Variants in TCF12 observed in about 807,000 individuals in gnomAD.
The protein encoded by TCF12 is transcription factor 12.
In TCF12, 45 loss-of-function variants were observed where a neutral mutation model predicts 86.0. That is an observed-to-expected ratio of 0.52 (90% CI 0.41 to 0.67). The LOEUF (loss-of-function observed/expected upper bound fraction) is 0.67, where lower values mean the gene tolerates loss of function less well. Ranked by LOEUF, TCF12 falls within the 30% of genes least tolerant of loss-of-function variation. The pLI is 0.00. For missense variants in TCF12, 881 were observed against 859.9 expected (o/e 1.02, Z -0.31); for synonymous variants, 330 against 299.6 (o/e 1.10, Z -1.05).
At chr15:57,243,718 T>C (rs561721208) in intron 13 of TCF12, among the ~76,000 whole-genome samples, 168 bp downstream of exon 13, 23 of 152,228 alleles carry the variant, frequency 1.5e-4, no homozygotes, top group Non-Finnish European at 3.1e-4. Flanking sequence ...TTGGAGAATA[T>C]TGAAATATTT....
At chr15:56,980,554 C>G (rs1385314768) in intron 3 of TCF12, among the ~76,000 whole-genome samples, 1 of 152,210 alleles carries the variant, frequency 6.6e-6, no homozygotes, top group Non-Finnish European at 1.5e-5. Context: ...TACCCAGTCT[C>G]TGGCATTTTG....
chr15:57,279,466 A>G (rs573247259), intron 19 of TCF12, among the ~76,000 whole-genome samples: 1 of 152,294 alleles, frequency 6.6e-6, no homozygotes, highest in African/African-American at 2.4e-5. Context: ...CTTTCTGGCT[A>G]CTTAGCACAC....
At chr15:57,110,361 T>A (rs1229517948) in intron 5 of TCF12, among the ~76,000 whole-genome samples, 1 of 152,194 alleles carries the variant, frequency 6.6e-6, no homozygotes, top group Non-Finnish European at 1.5e-5. Flanking sequence ...CAGAATAGAT[T>A]AGTGTCACAG....
chr15:57,150,092 C>T (rs1187201581), intron 5 of TCF12, among the ~76,000 whole-genome samples: 4 of 151,946 alleles, frequency 2.6e-5, no homozygotes, highest in East Asian at 1.9e-4. Flanking sequence ...AGCAAAAAGA[C>T]GAGATAATCA....
Position 57,288,020 on chromosome 15 carries a change from A to C in TCF12, c.*1875A>C, listed in dbSNP as rs1293547850. The C allele has an allele frequency of 6.6e-6, 1 of 152,614 alleles. No individual in the cohort carries two copies. Among genetic ancestry groups the C allele is most frequent in the African/African-American group, 2.4e-5 (1 of 41,432 alleles). 9.5% of individuals were successfully genotyped at this position (152,614 alleles called of 1,614,324 possible). A position where few individuals can be genotyped will look rare whatever the true frequency, so the allele number is the denominator to read the frequency against. On this transcript the variant is annotated 3_prime_UTR_variant, in exon 21 of 21. Coordinates refer to ENST00000333725, the MANE Select transcript of TCF12 (RefSeq NM_207037.2). ...CAGAAGCTTTCCTTCATAAAATAGA[A>C]AGAAAAAAACATTTGGCTTATTTTT...
intron 3 of TCF12, among the ~76,000 whole-genome samples, chr15:57,005,199 A>G (rs760028183): frequency 9.2e-5 from 14 of 152,240 alleles, no homozygotes; most frequent in Admixed American, 4.6e-4. Flanking sequence ...TAGATAAAGC[A>G]ACAAAACCCA....
At chr15:57,268,426 CTGTT>C (rs2060968809) in intron 18 of TCF12, among the ~76,000 whole-genome samples, 1 of 152,146 alleles carries the variant, frequency 6.6e-6, no homozygotes, top group African/African-American at 2.4e-5. Flanking sequence ...GACAGAGTCT[CTGTT>C]TGTCACCCAG....
intron 5 of TCF12, among the ~76,000 whole-genome samples, chr15:57,118,174 C>A (rs2615235): frequency 6.6e-6 from 1 of 152,180 alleles, no homozygotes; most frequent in Non-Finnish European, 1.5e-5. Context: ...TGTGTTCTTT[C>A]TAAGCACAGA....
intron 3 of TCF12, among the ~76,000 whole-genome samples, chr15:56,981,662 C>T (rs536680012): frequency 1.1e-4 from 16 of 152,168 alleles, no homozygotes; most frequent in Admixed American, 3.3e-4. Context: ...CTGTATATAA[C>T]TTTTGACTCC....
At chr15:56,938,739 C>G (rs2077213168) in intron 3 of TCF12, among the ~76,000 whole-genome samples, 1 of 151,192 alleles carries the variant, frequency 6.6e-6, no homozygotes, top group East Asian at 2.0e-4. Flanking sequence ...ATCATCTAGC[C>G]TAAACTAACT....
intron 3 of TCF12, among the ~76,000 whole-genome samples, chr15:57,053,923 G>A (rs1048727571): frequency 6.6e-6 from 1 of 152,182 alleles, no homozygotes; most frequent in African/African-American, 2.4e-5. Context: ...AGCCTGCTGG[G>A]TGTGTGGCAT....
At chr15:57,074,106 G>A (rs1187099864) in intron 4 of TCF12, among the ~76,000 whole-genome samples, 9 of 151,828 alleles carry the variant, frequency 5.9e-5, no homozygotes, top group African/African-American at 1.9e-4. Flanking sequence ...GCAGTAATTC[G>A]TATTTTATGT....
chr15:56,919,267 C>T (rs2059649181), intron 1 of TCF12: 2 of 152,376 alleles, frequency 1.3e-5, no homozygotes, highest in Admixed American at 1.3e-4. Flanking sequence ...GAGGCCGAGC[C>T]TGGGGAGGAG....
In TCF12 at chr15:57,288,771, C is replaced by T. The variant is rs183998614; in HGVS notation, c.*2626C>T. On this transcript the variant is annotated 3_prime_UTR_variant, in exon 21 of 21. Coordinates refer to ENST00000333725, the MANE Select transcript of TCF12 (RefSeq NM_207037.2). Reference sequence around the variant, plus strand: ...CTTTTAACCTTTTCCTAAAGATTGACCAAACAGCAACTAGTAGTTATAGAA... The same window carrying T: ...CTTTTAACCTTTTCCTAAAGATTGATCAAACAGCAACTAGTAGTTATAGAA... 2 of 152,112 alleles carry T rather than the reference C, an allele frequency of 1.3e-5. No individual in the cohort carries two copies. Among genetic ancestry groups the T allele is most frequent in the Non-Finnish European group, 2.9e-5 (2 of 68,006 alleles). The allele number at this position is 152,112 out of a possible 1,614,324, so 9.4% of individuals were successfully genotyped here. A position where few individuals can be genotyped will look rare whatever the true frequency, so the allele number is the denominator to read the frequency against.
At chr15:57,264,492 C>T (rs1041975513) in intron 18 of TCF12, among the ~76,000 whole-genome samples, 1 of 151,888 alleles carries the variant, frequency 6.6e-6, no homozygotes, top group Non-Finnish European at 1.5e-5. Context: ...TGAGCCACCG[C>T]ACCCGGCCTT....
At chr15:57,215,224 T>C (rs1017477256) in intron 8 of TCF12, among the ~76,000 whole-genome samples, 3 of 152,176 alleles carry the variant, frequency 2.0e-5, no homozygotes, top group Non-Finnish European at 2.9e-5. Flanking sequence ...TTAGCAAGGC[T>C]AACTAAAATA....
At chr15:57,077,746 T>A (rs2585091) in intron 4 of TCF12, among the ~76,000 whole-genome samples, 103,668 of 148,504 alleles carry the variant, frequency 0.7, 36,557 homozygotes, top group East Asian at 0.81. Context: ...TGTAGTTTTT[T>A]AAAAAAAAAA....
At chr15:57,189,930 G>GAA in intron 6 of TCF12, among the ~76,000 whole-genome samples, 2 of 152,164 alleles carry the variant, frequency 1.3e-5, no homozygotes, top group Admixed American at 1.3e-4. Context: ...GATACAAGCT[G>GAA]TAATATAGAT....
chr15:57,139,060 GATC>G (rs1481789742), intron 5 of TCF12, among the ~76,000 whole-genome samples: 1 of 152,132 alleles, frequency 6.6e-6, no homozygotes, highest in Non-Finnish European at 1.5e-5. Flanking sequence ...CTCTAGATAA[GATC>G]ATATTTAGAC....
Sources: gnomAD v4.1 joint callset for allele counts (sites outside exome capture counted in the v4.1 genomes callset) on GRCh38, gnomAD v4.1.1 for gene constraint, MANE v1.5 for transcripts, NCBI Gene and HGNC (gene_info 2026-07-23, HGNC 2026-07-21) for gene names.